TMEM45A: variants seen among roughly 807,000 people sequenced by gnomAD.
TMEM45A encodes transmembrane protein 45A.
A neutral mutation model predicts 32.0 loss-of-function variants in TMEM45A; 25 were observed. The ratio of observed to expected loss-of-function variants is 0.78; its 90% CI spans 0.57 to 1.09. TMEM45A has a LOEUF of 1.09. Among genes scored for constraint, TMEM45A ranks in the 50% least tolerant of loss-of-function variants. TMEM45A has a pLI of 0.00. For synonymous variants in TMEM45A, 122 were observed against 114.8 expected (o/e 1.06, Z -0.40); for missense variants, 302 against 325.0 (o/e 0.93, Z 0.54).
intron 1 of TMEM45A, chr3:100,519,298 A>G: frequency 2.0e-6 from 1 of 501,200 alleles, no homozygotes. Context: ...TGGGGGACTC[A>G]GGCAGAGGTA....
At chr3:100,576,401 G>T (rs1706686660) in intron 5 of TMEM45A, among the ~76,000 whole-genome samples, 1 of 152,146 alleles carries the variant, frequency 6.6e-6, no homozygotes. Context: ...AGTGAGCTGA[G>T]ATTGTGCCAC....
At chr3:100,554,920 A>G (rs1706182460) in intron 1 of TMEM45A, among the ~76,000 whole-genome samples, 1 of 152,260 alleles carries the variant, frequency 6.6e-6, no homozygotes, top group Admixed American at 6.5e-5. Flanking sequence ...TGCTTCATTC[A>G]TGGGTATGTT....
chr3:100,527,510 A>G (rs1403575649), intron 1 of TMEM45A, among the ~76,000 whole-genome samples: 3 of 152,176 alleles, frequency 2.0e-5, no homozygotes, highest in African/African-American at 2.4e-5. Flanking sequence ...AATGCTGGGA[A>G]TTGTGATGAG....
At chr3:100,519,388 TG>T (rs1705386345) in intron 1 of TMEM45A, 1 of 130,294 alleles carries the variant, frequency 7.7e-6, no homozygotes. Flanking sequence ...TGTGTGTGCA[TG>T]TGTGTGTGTG....
At chr3:100,522,859 T>C (rs1705460911) in intron 1 of TMEM45A, among the ~76,000 whole-genome samples, 1 of 152,194 alleles carries the variant, frequency 6.6e-6, no homozygotes, top group African/African-American at 2.4e-5. Flanking sequence ...TCTTTGAAGA[T>C]GATCCTAGAG....
chr3:100,530,874 T>A (rs181214595), intron 1 of TMEM45A, among the ~76,000 whole-genome samples: 6 of 152,352 alleles, frequency 3.9e-5, no homozygotes, highest in African/African-American at 7.2e-5. Context: ...AACTATTTTG[T>A]CCTGTAGAAT....
At position 100,524,216 on chromosome 3, in the gene TMEM45A, C is replaced by G. The variant is rs147148691; in HGVS notation, c.-3-30993C>G. 1.2e-4 allele frequency among the ~76,000 whole-genome samples: 19 copies of G among 152,300 alleles called. No individual in the cohort carries two copies. In the East Asian group the frequency reaches 3.5e-3, roughly 28 times the overall value. On this transcript the variant is annotated intron_variant, in intron 1 of 5. Transcript: ENST00000323523. The stretch of plus-strand genomic sequence containing the variant: ...GGTGGGGGAGACTGCCTTCTCTATC[C>G]TGCTTCTTTCATTCAAAAGACAGCA...
intron 1 of TMEM45A, among the ~76,000 whole-genome samples, chr3:100,529,687 T>C (rs779333948): frequency 6.6e-5 from 10 of 152,154 alleles, no homozygotes; most frequent in South Asian, 6.2e-4. Flanking sequence ...AGTGGAGTGA[T>C]CTAGCTCATT....
chr3:100,519,688 T>C, intron 1 of TMEM45A: 1 of 1,391,198 alleles, frequency 7.2e-7, no homozygotes, highest in Non-Finnish European at 1.0e-6. Context: ...AAGACCTAGT[T>C]TGAACCTGAC....
intron 1 of TMEM45A, among the ~76,000 whole-genome samples, chr3:100,530,586 A>G (rs1471439202): frequency 6.6e-6 from 1 of 152,226 alleles, no homozygotes; most frequent in African/African-American, 2.4e-5. Flanking sequence ...GACACATAAA[A>G]TTAACCATCA....
chr3:100,523,692 T>TCTCCTCCTCCTTTCTCCTCCTTCTCCTC (rs1559639827), intron 1 of TMEM45A, among the ~76,000 whole-genome samples: 1 of 69,464 alleles, frequency 1.4e-5, no homozygotes, highest in Non-Finnish European at 2.4e-5. Context: ...TTCTCCTCCT[T>TCTCCTCCTCCTTTCTCCTCCTTCTCCTC]CTCCTTCTCC....
chr3:100,546,984 TA>T (rs1705990736), intron 1 of TMEM45A, among the ~76,000 whole-genome samples: 2 of 152,200 alleles, frequency 1.3e-5, no homozygotes, highest in Non-Finnish European at 2.9e-5. Context: ...ATGCAGGGGT[TA>T]GGGGTCTGGC....
chr3:100,540,361 CA>C (rs1705844347), intron 1 of TMEM45A, among the ~76,000 whole-genome samples: 6 of 152,170 alleles, frequency 3.9e-5, no homozygotes. Flanking sequence ...GACATGAAAA[CA>C]ACTCAATTAA....
chr3:100,493,223 A>G (rs1707874173), intron 1 of TMEM45A, among the ~76,000 whole-genome samples: 1 of 144,676 alleles, frequency 6.9e-6, no homozygotes, highest in Non-Finnish European at 1.5e-5. Flanking sequence ...AATTGAATCT[A>G]TTGATAAATT....
chr3:100,565,271 G>A (rs1706408100), intron 4 of TMEM45A, among the ~76,000 whole-genome samples: 1 of 152,132 alleles, frequency 6.6e-6, no homozygotes, highest in Admixed American at 6.6e-5. Context: ...ACATGAGTGA[G>A]GATTACGTGA....
intron 1 of TMEM45A, among the ~76,000 whole-genome samples, chr3:100,533,287 T>A (rs1401254090): frequency 6.6e-6 from 1 of 152,082 alleles, no homozygotes; most frequent in Admixed American, 6.5e-5. Flanking sequence ...AGACTCTGAT[T>A]TAATAGGTTC....
At chr3:100,553,090 CT>C (rs1200019706) in intron 1 of TMEM45A, among the ~76,000 whole-genome samples, 3 of 152,160 alleles carry the variant, frequency 2.0e-5, no homozygotes, top group Non-Finnish European at 2.9e-5. Flanking sequence ...ATAGCATGAG[CT>C]TATTTAACAG....
chr3:100,555,433 C>A (rs367901634), intron 2 of TMEM45A, 32 bp downstream of exon 2: 2 of 1,551,334 alleles, frequency 1.3e-6, no homozygotes, highest in Non-Finnish European at 1.7e-6. Flanking sequence ...CTATTTTTAC[C>A]TTTTAGGTGT....
At chr3:100,548,738 C>T (rs1470283332) in intron 1 of TMEM45A, among the ~76,000 whole-genome samples, 6 of 152,174 alleles carry the variant, frequency 3.9e-5, no homozygotes, top group Admixed American at 6.5e-5. Flanking sequence ...CTGTTGTGAG[C>T]AGGGGCTGTG....
Sources: allele counts gnomAD v4.1 joint callset (sites outside exome capture counted in the v4.1 genomes callset), GRCh38; gene constraint gnomAD v4.1.1; transcripts MANE v1.5; gene names NCBI Gene and HGNC (gene_info 2026-07-23, HGNC 2026-07-21).